ADGRA3: variants seen among roughly 807,000 people sequenced by gnomAD.
The protein encoded by ADGRA3 is adhesion G protein-coupled receptor A3.
ADGRA3 carries 56 observed loss-of-function variants against 119.8 expected under a neutral mutation model. That is an observed-to-expected ratio of 0.47 (90% CI 0.38 to 0.58). The LOEUF (loss-of-function observed/expected upper bound fraction) is 0.58. ADGRA3 is among the 20% of genes least tolerant of loss of function. The pLI, the probability that ADGRA3 is intolerant of heterozygous loss-of-function variation, is 0.00. For missense variants in ADGRA3, 1,516 were observed against 1,649.0 expected (o/e 0.92, Z 1.40); for synonymous variants, 607 against 623.8 (o/e 0.97, Z 0.40).
chr4:22,433,446 A>C (rs1045950028), intron 10 of ADGRA3, among the ~76,000 whole-genome samples: 2 of 152,236 alleles, frequency 1.3e-5, no homozygotes, highest in African/African-American at 4.8e-5. Flanking sequence ...CAGAGAAAAT[A>C]GCATCCCCAT....
At chr4:22,490,832 G>C (rs1718596126) in intron 1 of ADGRA3, among the ~76,000 whole-genome samples, 1 of 152,204 alleles carries the variant, frequency 6.6e-6, no homozygotes, top group Admixed American at 6.5e-5. Context: ...TGTGTAACAA[G>C]TTACCACTAA....
chr4:22,490,732 T>C (rs1205916242), intron 1 of ADGRA3, among the ~76,000 whole-genome samples: 1 of 152,038 alleles, frequency 6.6e-6, no homozygotes, highest in Non-Finnish European at 1.5e-5. Flanking sequence ...AAACAAACAA[T>C]ACTAGTGGAA....
chr4:22,464,799 C>T (rs543891557), intron 2 of ADGRA3, among the ~76,000 whole-genome samples: 20 of 152,328 alleles, frequency 1.3e-4, no homozygotes, highest in South Asian at 2.1e-4. Context: ...CTTGCTGGCT[C>T]CCAGCAGTCC....
intron 14 of ADGRA3, among the ~76,000 whole-genome samples, chr4:22,412,325 G>C (rs1038477654): frequency 6.6e-6 from 1 of 152,018 alleles, no homozygotes; most frequent in Non-Finnish European, 1.5e-5. Flanking sequence ...TATCTGCTCA[G>C]ACGTCAGATT....
At chr4:22,421,122 G>T in intron 11 of ADGRA3, 33 bp from the exon 12 acceptor site, 2 of 1,560,154 alleles carry the variant, frequency 1.3e-6, no homozygotes, top group Non-Finnish European at 8.8e-7. Flanking sequence ...AGTTATGAAC[G>T]ATTTATAGCA....
intron 15 of ADGRA3, 106 bp downstream of exon 15, chr4:22,402,569 T>C (rs1282650508): frequency 2.6e-6 from 3 of 1,138,154 alleles, no homozygotes; most frequent in Admixed American, 4.4e-5. Flanking sequence ...ATCCTTACTT[T>C]GGAAATACAG....
chr4:22,451,858 C>G (rs925546735), intron 4 of ADGRA3, among the ~76,000 whole-genome samples: 1 of 152,162 alleles, frequency 6.6e-6, no homozygotes, highest in Non-Finnish European at 1.5e-5. Flanking sequence ...GATTCCTAAT[C>G]TAAGAAATGT....
At chr4:22,394,627 G>A (rs561676483) in intron 16 of ADGRA3, 40 of 152,328 alleles carry the variant, frequency 2.6e-4, no homozygotes, top group African/African-American at 9.4e-4. Context: ...ATTGCTGGAG[G>A]TGTCTCTGAC....
chr4:22,411,932 T>G (rs2323523), intron 14 of ADGRA3, among the ~76,000 whole-genome samples: 5,790 of 152,030 alleles, frequency 0.038, 251 homozygotes, highest in East Asian at 0.24. Context: ...AGGTAAGGTA[T>G]AAGTTGAATT....
intron 1 of ADGRA3, among the ~76,000 whole-genome samples, chr4:22,515,064 G>C (rs928944752): frequency 8.5e-5 from 13 of 152,206 alleles, no homozygotes; most frequent in Admixed American, 5.9e-4. Flanking sequence ...CTTGGGGTTT[G>C]GGCTCGCACA....
intron 14 of ADGRA3, among the ~76,000 whole-genome samples, chr4:22,406,720 T>C (rs1343718569): frequency 1.3e-5 from 2 of 152,152 alleles, no homozygotes; most frequent in Non-Finnish European, 2.9e-5. Context: ...ATTTTTGACC[T>C]GCCCACACGC....
At chr4:22,443,620 T>C (rs1252368140) in intron 6 of ADGRA3, among the ~76,000 whole-genome samples, 12 of 152,176 alleles carry the variant, frequency 7.9e-5, no homozygotes, top group African/African-American at 2.9e-4. Context: ...GTTGTTAAAC[T>C]ATGGCTTCAT....
chr4:22,479,456 C>G lies in ADGRA3; in HGVS notation c.258-5613G>C, dbSNP rs1299861346. ...CCAGCCTGGGCGACAGAGCGAGACTCTGTCTCAAATAAAAAAAAAAAAAAA... is the reference window on the plus strand; with the variant it reads ...CCAGCCTGGGCGACAGAGCGAGACTGTGTCTCAAATAAAAAAAAAAAAAAA... On this transcript the variant is annotated intron_variant, in intron 1 of 18. Transcript: ENST00000334304. Among the ~76,000 whole-genome samples the G allele has an allele frequency of 9.7e-5, 14 of 144,786 alleles. No homozygotes were observed. The Admixed American group carries it at 9.7e-4, about 10-fold the overall frequency. 95.0% of individuals were successfully genotyped at this position (144,786 alleles called of 152,430 possible).
chr4:22,397,651 A>G (rs2126636), intron 16 of ADGRA3, among the ~76,000 whole-genome samples: 79,380 of 151,906 alleles, frequency 0.52, 23,559 homozygotes, highest in Non-Finnish European at 0.66. Flanking sequence ...AGTGGGAGGT[A>G]ACTGAATCAT....
intron 10 of ADGRA3, among the ~76,000 whole-genome samples, chr4:22,431,723 T>C (rs573333831): frequency 6.6e-6 from 1 of 152,192 alleles, no homozygotes; most frequent in South Asian, 2.1e-4. Flanking sequence ...TTACCCACTC[T>C]CGGGTATGTC....
intron 1 of ADGRA3, among the ~76,000 whole-genome samples, chr4:22,503,936 T>C (rs1040863384): frequency 2.0e-5 from 3 of 152,174 alleles, no homozygotes; most frequent in Non-Finnish European, 2.9e-5. Context: ...AGAACAATTC[T>C]TGAACATGAG....
chr4:22,493,875 A>G (rs1718716445), intron 1 of ADGRA3, among the ~76,000 whole-genome samples: 1 of 152,166 alleles, frequency 6.6e-6, no homozygotes, highest in South Asian at 2.1e-4. Flanking sequence ...TAAAAAAGCC[A>G]GCCAAAATCC....
chr4:22,469,832 T>C (rs1299261051), intron 2 of ADGRA3, among the ~76,000 whole-genome samples: 1 of 152,148 alleles, frequency 6.6e-6, no homozygotes, highest in East Asian at 1.9e-4. Context: ...ATGAGCAAGG[T>C]TCTGTCTTCA....
At chr4:22,399,712 C>G (rs1307330712) in intron 16 of ADGRA3, among the ~76,000 whole-genome samples, 2 of 152,294 alleles carry the variant, frequency 1.3e-5, no homozygotes, top group South Asian at 4.1e-4. Context: ...TAATACCACA[C>G]TGGTTTCATT....
Sources: allele counts gnomAD v4.1 joint callset (sites outside exome capture counted in the v4.1 genomes callset), GRCh38; gene constraint gnomAD v4.1.1; transcripts MANE v1.5; gene names NCBI Gene and HGNC (gene_info 2026-07-23, HGNC 2026-07-21).